Variants in UBE2U observed in about 807,000 individuals in gnomAD.
UBE2U encodes ubiquitin-conjugating enzyme E2 U.
Under a neutral mutation model 41.2 loss-of-function variants are expected in UBE2U, and 39 were observed. The ratio of observed to expected loss-of-function variants is 0.95; its 90% CI spans 0.73 to 1.24. The LOEUF (loss-of-function observed/expected upper bound fraction) is 1.24. UBE2U is among the 50% of genes most tolerant of loss of function. The pLI is 0.00. For synonymous variants in UBE2U, 107 were observed against 117.8 expected (o/e 0.91, Z 0.60); for missense variants, 336 against 363.1 (o/e 0.93, Z 0.61).
chr1:64,206,729 A>G (rs767302472), intron 2 of UBE2U, 35 bp from the exon 3 acceptor site: 1 of 1,266,630 alleles, frequency 7.9e-7, no homozygotes, highest in Non-Finnish European at 1.1e-6. Context: ...AATAAACATG[A>G]CACTTTAGTA....
intron 5 of UBE2U, among the ~76,000 whole-genome samples, chr1:64,216,326 G>A (rs1652010360): frequency 6.6e-6 from 1 of 152,156 alleles, no homozygotes; most frequent in African/African-American, 2.4e-5. Flanking sequence ...GGCTTGGTGG[G>A]CTTTCATCTG....
At chr1:64,231,328 A>G (rs1016995085) in intron 6 of UBE2U, among the ~76,000 whole-genome samples, 1 of 152,218 alleles carries the variant, frequency 6.6e-6, no homozygotes, top group Non-Finnish European at 1.5e-5. Context: ...GTTGTCTGCT[A>G]AATGATCTGT....
chr1:64,231,550 G>C (rs1218979436), intron 6 of UBE2U, among the ~76,000 whole-genome samples: 3 of 152,198 alleles, frequency 2.0e-5, no homozygotes, highest in African/African-American at 7.2e-5. Flanking sequence ...CTACTTAAGT[G>C]TGATTGTAAA....
At chr1:64,209,212 TG>T in intron 3 of UBE2U, among the ~76,000 whole-genome samples, 1 of 152,186 alleles carries the variant, frequency 6.6e-6, no homozygotes, top group Non-Finnish European at 1.5e-5. Flanking sequence ...TTAAATTCAA[TG>T]GGGGGAGGTA....
chr1:64,224,084 A>G (rs1313581104), intron 6 of UBE2U, among the ~76,000 whole-genome samples: 1 of 152,194 alleles, frequency 6.6e-6, no homozygotes. Context: ...GATGGTGAAC[A>G]TGCTAAATAT....
intron 7 of UBE2U, among the ~76,000 whole-genome samples, chr1:64,239,153 GA>G (rs1557730850): frequency 0.034 from 946 of 27,710 alleles, 34 homozygotes; most frequent in African/African-American, 0.061. Flanking sequence ...AGAAGAAGAA[GA>G]AGAAAGAAGA....
Position 64,267,352 on chromosome 1 carries a change from A to G in UBE2U, c.*144A>G, listed in dbSNP as rs1367341466. The G allele has an allele frequency of 3.0e-6, 2 of 670,126 alleles. No homozygotes were observed. Among genetic ancestry groups the G allele is most frequent in the Admixed American group, 3.7e-5 (1 of 27,348 alleles). 41.5% of individuals were successfully genotyped at this position (670,126 alleles called of 1,614,324 possible). A position where few individuals can be genotyped will look rare whatever the true frequency, so the allele number is the denominator to read the frequency against. Reference sequence around the variant, plus strand: ...CACTGCAAGTACAAATTAGAAATATAAGTACAAATCAGTAAAGATGTTGCT... The same window carrying G: ...CACTGCAAGTACAAATTAGAAATATGAGTACAAATCAGTAAAGATGTTGCT... On this transcript the variant is annotated 3_prime_UTR_variant, in exon 10 of 10. Coordinates refer to ENST00000371077, the MANE Select transcript of UBE2U (RefSeq NM_001366232.2).
chr1:64,224,024 G>A (rs879467339), intron 6 of UBE2U, among the ~76,000 whole-genome samples: 1 of 152,086 alleles, frequency 6.6e-6, no homozygotes, highest in African/African-American at 2.4e-5. Flanking sequence ...GGAAAGGGAG[G>A]GGAGGATTGG....
intron 8 of UBE2U, among the ~76,000 whole-genome samples, chr1:64,254,032 G>A (rs1008203669): frequency 2.6e-4 from 40 of 152,004 alleles, no homozygotes; most frequent in Admixed American, 1.1e-3. Flanking sequence ...TCACATGTAC[G>A]GATACACATA....
chr1:64,218,077 G>A (rs980946160), intron 5 of UBE2U, among the ~76,000 whole-genome samples: 2 of 152,114 alleles, frequency 1.3e-5, no homozygotes, highest in Non-Finnish European at 2.9e-5. Context: ...CTTTGGTTAG[G>A]TGTAAGTATA....
rs1379457046 is a variant in UBE2U, at chr1:64,232,482, C to A, written c.507-79C>A. On this transcript the variant is annotated intron_variant, in intron 6 of 9. Coordinates refer to ENST00000371077, the MANE Select transcript of UBE2U (RefSeq NM_001366232.2). ...ATCTTGTGACAAGATATTATGTGAACAGTCCATATAGCAGTACAATAATTT... is the reference window on the plus strand; with the variant it reads ...ATCTTGTGACAAGATATTATGTGAAAAGTCCATATAGCAGTACAATAATTT... 9.9e-6 allele frequency: 9 copies of A among 913,384 alleles called. No homozygotes were observed. The African/African-American group carries it at 1.5e-4, about 15-fold the overall frequency. The allele number at this position is 913,384 out of a possible 1,614,324, so 56.6% of individuals were successfully genotyped here.
chr1:64,213,864 G>T (rs1402458751), intron 4 of UBE2U, among the ~76,000 whole-genome samples: 1 of 152,218 alleles, frequency 6.6e-6, no homozygotes, highest in South Asian at 2.1e-4. Flanking sequence ...ATAGCCTGTT[G>T]CTCCTAGGCT....
intron 9 of UBE2U, 59 bp from the exon 10 acceptor site, chr1:64,266,963 CTT>C: frequency 6.9e-7 from 1 of 1,451,608 alleles, no homozygotes; most frequent in Non-Finnish European, 9.3e-7. Context: ...GAACACTTCT[CTT>C]TTTATTGTTT....
At chr1:64,207,436 G>A (rs34026441) in intron 3 of UBE2U, among the ~76,000 whole-genome samples, 2,514 of 152,260 alleles carry the variant, frequency 0.017, 27 homozygotes, top group South Asian at 0.043. Context: ...GAACCACTGC[G>A]CCTGGCCTAG....
At chr1:64,264,616 C>T (rs35137083) in intron 9 of UBE2U, among the ~76,000 whole-genome samples, 25,609 of 152,136 alleles carry the variant, frequency 0.17, 2,858 homozygotes, top group Non-Finnish European at 0.24. Context: ...CAGCAACTCA[C>T]GTCAGCCAAT....
At chr1:64,229,468 GT>G (rs1653130606) in intron 6 of UBE2U, among the ~76,000 whole-genome samples, 1 of 152,148 alleles carries the variant, frequency 6.6e-6, no homozygotes, top group Non-Finnish European at 1.5e-5. Context: ...ACTTGAGAAA[GT>G]TTTATCTCCT....
chr1:64,241,651 G>A lies in UBE2U; in HGVS notation c.596-1G>A. The A allele has an allele frequency of 6.3e-7, 1 of 1,596,598 alleles. No homozygotes were observed. Among genetic ancestry groups the A allele is most frequent in the Non-Finnish European group, 8.5e-7 (1 of 1,171,536 alleles). On this transcript the variant is annotated splice_acceptor_variant, in intron 7 of 9. Coordinates refer to ENST00000371077, the MANE Select transcript of UBE2U (RefSeq NM_001366232.2). LOFTEE classifies it high-confidence loss of function. ...TTCTTTTTTTAATATTCTAATTTCA[G>A]TGCTCAAAGTTCCAAATTTCATTGG...
chr1:64,231,215 C>G (rs1379324672), intron 6 of UBE2U, among the ~76,000 whole-genome samples: 3 of 149,052 alleles, frequency 2.0e-5, no homozygotes, highest in Non-Finnish European at 4.4e-5. Flanking sequence ...GGTCATGGGT[C>G]GTGGTCAAAC....
At chr1:64,247,983 T>G (rs2100492391) in intron 8 of UBE2U, among the ~76,000 whole-genome samples, 1 of 152,176 alleles carries the variant, frequency 6.6e-6, no homozygotes. Context: ...GAAACAGCTT[T>G]CACCAGATGC....
Sources: allele counts gnomAD v4.1 joint callset (sites outside exome capture counted in the v4.1 genomes callset), GRCh38; gene constraint gnomAD v4.1.1; transcripts MANE v1.5; gene names NCBI Gene and HGNC (gene_info 2026-07-23, HGNC 2026-07-21).